Variants in PDE3B observed in about 807,000 individuals in gnomAD.
PDE3B encodes phosphodiesterase 3B.
PDE3B carries 66 observed loss-of-function variants against 116.8 expected under a neutral mutation model. That is an observed-to-expected ratio of 0.56 (90% confidence interval 0.46 to 0.69). The LOEUF is 0.69. Among genes scored for constraint, PDE3B ranks in the 30% least tolerant of loss-of-function variants. The pLI is 0.00. For synonymous variants in PDE3B, 595 were observed against 533.6 expected (o/e 1.12, Z -1.59); for missense variants, 1,384 against 1,368.1 (o/e 1.01, Z -0.18).
chr11:14,728,983 T>C (rs1856388482), intron 1 of PDE3B, among the ~76,000 whole-genome samples: 1 of 152,150 alleles, frequency 6.6e-6, no homozygotes, highest in African/African-American at 2.4e-5. Context: ...CAGACCATGC[T>C]CATTGATGCA....
chr11:14,723,166 T>C (rs1390671839), intron 1 of PDE3B, among the ~76,000 whole-genome samples: 2 of 152,230 alleles, frequency 1.3e-5, no homozygotes, highest in East Asian at 3.8e-4. Flanking sequence ...CCTTACAGAA[T>C]TGTATTGAGT....
At position 14,771,996 on chromosome 11, in the gene PDE3B, AATTAAT is replaced by A; in HGVS notation, c.1029+12_1029+17del. ...ATAAGCCTCATTATCAAGTAAGTATAATTAATATCTGTGATGAATATCTAAATAATA... is the reference window on the plus strand; with the variant it reads ...ATAAGCCTCATTATCAAGTAAGTATAATCTGTGATGAATATCTAAATAATA... On this transcript the variant is annotated intron_variant, in intron 2 of 15. Coordinates refer to ENST00000282096, the MANE Select transcript of PDE3B (RefSeq NM_000922.4). The A allele has an allele frequency of 1.8e-6, 2 of 1,118,382 alleles. No homozygotes were observed. Among genetic ancestry groups the A allele is most frequent in the South Asian group, 3.0e-5 (2 of 66,090 alleles). 69.3% of individuals were successfully genotyped at this position (1,118,382 alleles called of 1,614,324 possible).
At chr11:14,663,456 C>T (rs1030683968) in intron 1 of PDE3B, among the ~76,000 whole-genome samples, 1 of 152,086 alleles carries the variant, frequency 6.6e-6, no homozygotes, top group Non-Finnish European at 1.5e-5. Context: ...TCACACATAA[C>T]AATATTAACT....
chr11:14,698,890 A>C (rs1448789205), intron 1 of PDE3B: 1 of 152,012 alleles, frequency 6.6e-6, no homozygotes, highest in Non-Finnish European at 1.5e-5. Context: ...AGCCTTTGCT[A>C]TACAGTATAC....
At chr11:14,782,785 C>T (rs1402344103) in intron 2 of PDE3B, among the ~76,000 whole-genome samples, 1 of 152,154 alleles carries the variant, frequency 6.6e-6, no homozygotes, top group East Asian at 1.9e-4. Flanking sequence ...TAAAGAGCTT[C>T]TGCACAGCAA....
chr11:14,753,274 G>A (rs1857103898), intron 1 of PDE3B, among the ~76,000 whole-genome samples: 2 of 152,044 alleles, frequency 1.3e-5, no homozygotes, highest in African/African-American at 4.8e-5. Context: ...ATTAGTCACC[G>A]AGGATAAAGA....
At chr11:14,706,223 C>A (rs547616680) in intron 1 of PDE3B, among the ~76,000 whole-genome samples, 2 of 151,782 alleles carry the variant, frequency 1.3e-5, no homozygotes, top group Admixed American at 1.3e-4. Flanking sequence ...TGAATTTGTA[C>A]ACTGATCTAG....
intron 1 of PDE3B, among the ~76,000 whole-genome samples, chr11:14,735,857 A>C (rs1440510686): frequency 6.6e-6 from 1 of 152,154 alleles, no homozygotes; most frequent in Non-Finnish European, 1.5e-5. Flanking sequence ...ATTGTTATTT[A>C]GTCTGGATGA....
intron 12 of PDE3B, among the ~76,000 whole-genome samples, chr11:14,849,221 A>G (rs1847684221): frequency 6.6e-6 from 1 of 152,246 alleles, no homozygotes; most frequent in South Asian, 2.1e-4. Flanking sequence ...AACCTGAGAA[A>G]AACAAGCAAT....
intron 1 of PDE3B, among the ~76,000 whole-genome samples, chr11:14,759,605 G>T (rs2133885493): frequency 6.7e-6 from 1 of 148,556 alleles, no homozygotes; most frequent in East Asian, 2.0e-4. Flanking sequence ...TTGGAGTGCA[G>T]TGGCGTGGTC....
the PDE3B span, chr11:14,891,898 G>A: frequency 6.6e-7 from 1 of 1,511,346 alleles, no homozygotes; most frequent in Non-Finnish European, 8.9e-7. Flanking sequence ...GCCCAGGGGC[G>A]GCCATAAGTC....
chr11:14,666,870 G>A (rs1166135967), intron 1 of PDE3B, among the ~76,000 whole-genome samples: 2 of 152,208 alleles, frequency 1.3e-5, no homozygotes, highest in African/African-American at 4.8e-5. Flanking sequence ...GTGGAAGACA[G>A]TGTGGCAATT....
chr11:14,647,204 T>C (rs879400978), intron 1 of PDE3B, among the ~76,000 whole-genome samples: 2 of 151,978 alleles, frequency 1.3e-5, no homozygotes, highest in African/African-American at 2.4e-5. Context: ...TATATGACAA[T>C]GGTAAAAACA....
intron 1 of PDE3B, among the ~76,000 whole-genome samples, chr11:14,654,301 A>G (rs1319414526): frequency 6.6e-6 from 1 of 152,184 alleles, no homozygotes; most frequent in Non-Finnish European, 1.5e-5. Flanking sequence ...AAAAGAACTC[A>G]GAAAAGAGAA....
intron 1 of PDE3B, among the ~76,000 whole-genome samples, chr11:14,649,305 T>C (rs1310945989): frequency 2.6e-5 from 4 of 152,318 alleles, no homozygotes; most frequent in African/African-American, 4.8e-5. Context: ...CCTATTTCAG[T>C]ATAAATGTTG....
intron 1 of PDE3B, among the ~76,000 whole-genome samples, chr11:14,713,609 G>C (rs562586601): frequency 2.0e-5 from 3 of 151,868 alleles, no homozygotes; most frequent in Non-Finnish European, 4.4e-5. Context: ...CTAAACCATT[G>C]GTTCTCCAAC....
At chr11:14,876,668 C>T (rs1404380053), downstream of PDE3B, among the ~76,000 whole-genome samples, 1 of 152,162 alleles carries the variant, frequency 6.6e-6, no homozygotes, top group Non-Finnish European at 1.5e-5. Flanking sequence ...GAAAAATTCC[C>T]TCGCTCTCCC....
downstream of PDE3B, among the ~76,000 whole-genome samples, chr11:14,872,723 T>C (rs541752847): frequency 6.9e-4 from 105 of 152,318 alleles, no homozygotes; most frequent in African/African-American, 2.2e-3. Flanking sequence ...TCTTCACATA[T>C]TCAATTCCCA....
rs1203897507 is a variant in PDE3B at position 14,847,898 on chromosome 11, C to G, written c.2520+3872C>G. On this transcript the variant is annotated intron_variant, in intron 12 of 15. Transcript: ENST00000282096. Reference sequence around the variant, plus strand: ...GACCAGATGGATTCACAGCCGAATTCTACCAGAGGTACAAGGAGGAACTGG... The same window carrying G: ...GACCAGATGGATTCACAGCCGAATTGTACCAGAGGTACAAGGAGGAACTGG... Among the ~76,000 whole-genome samples the G allele has an allele frequency of 1.7e-4, 26 of 152,238 alleles. No homozygotes were observed. In the East Asian group the frequency reaches 4.6e-3, roughly 27 times the overall value.
Sources: gnomAD v4.1 joint callset for allele counts (sites outside exome capture counted in the v4.1 genomes callset) on GRCh38, gnomAD v4.1.1 for gene constraint, MANE v1.5 for transcripts, NCBI Gene and HGNC (gene_info 2026-07-23, HGNC 2026-07-21) for gene names.